The following PRPH2 variants were observed in gnomAD, a reference collection of about 807,000 sequenced individuals.
PRPH2 encodes peripherin 2.
PRPH2 carries 17 observed loss-of-function variants against 31.3 expected under a neutral mutation model. That is an observed-to-expected ratio of 0.54 (90% CI 0.37 to 0.81). The LOEUF (loss-of-function observed/expected upper bound fraction) is 0.81. Among genes scored for constraint, PRPH2 ranks in the 40% least tolerant of loss-of-function variants. PRPH2 has a pLI of 0.00. For synonymous variants in PRPH2, 165 were observed against 184.4 expected (o/e 0.89, Z 0.85); for missense variants, 430 against 439.7 (o/e 0.98, Z 0.20).
rs70990127 is a variant in PRPH2 at position 42,701,682 on chromosome 6, A to ATTTTTTTT, written c.828+2675_828+2682dup. On this transcript the variant is annotated intron_variant, in intron 2 of 2. Transcript: ENST00000230381. ...TAGGCATGCGCCACCACGTCCAGCA[A>ATTTTTTTT]TTTTTTTTTTTTTTTTTTTTTTTTT... is the stretch of plus-strand genomic sequence containing the variant. Among the ~76,000 whole-genome samples the ATTTTTTTT allele has an allele frequency of 1.3e-3, 100 of 78,512 alleles. 18 individuals are homozygous for ATTTTTTTT. Among genetic ancestry groups the ATTTTTTTT allele is most frequent in the African/African-American group, 3.4e-3 (68 of 20,046 alleles). The allele number at this position is 78,512 out of a possible 152,430, so 51.5% of individuals were successfully genotyped here.
intron 1 of PRPH2, among the ~76,000 whole-genome samples, chr6:42,705,599 AATATAT>A (rs1194169404): frequency 1.4e-3 from 30 of 21,564 alleles, no homozygotes; most frequent in South Asian, 6.5e-3. Context: ...AAAAAAAAAA[AATATAT>A]ATATATATAT....
At chr6:42,713,328 C>T (rs1395461971) in intron 1 of PRPH2, among the ~76,000 whole-genome samples, 3 of 152,192 alleles carry the variant, frequency 2.0e-5, no homozygotes, top group African/African-American at 7.2e-5. Context: ...TGGCTCCTCC[C>T]TCTGAGAGCC....
intron 2 of PRPH2, among the ~76,000 whole-genome samples, chr6:42,700,339 T>C (rs1359144021): frequency 6.6e-6 from 1 of 152,162 alleles, no homozygotes; most frequent in Non-Finnish European, 1.5e-5. Flanking sequence ...CTTGCTCTCC[T>C]CCACTTCTTT....
Position 42,722,429 on chromosome 6 carries a change from G to C in PRPH2, c.-95C>G, listed in dbSNP as rs952830704. 2 of 1,563,768 alleles carry C rather than the reference G, an allele frequency of 1.3e-6. No homozygotes were observed. Among genetic ancestry groups the C allele is most frequent in the African/African-American group, 2.7e-5 (2 of 74,100 alleles). On this transcript the variant is annotated 5_prime_UTR_variant, in exon 1 of 3. Transcript: ENST00000230381. The surrounding 1 kb of genome is among the most constrained non-coding windows in gnomAD (Gnocchi z 4.4). ...GCGGAGACTTAGGGCCTTGGGAAAA[G>C]TGCAGATGGCCCAAGCTGTAGGGAG... is the stretch of plus-strand genomic sequence containing the variant.
intron 2 of PRPH2, among the ~76,000 whole-genome samples, chr6:42,702,635 C>G (rs1327489640): frequency 3.5e-4 from 28 of 80,866 alleles, no homozygotes; most frequent in Non-Finnish European, 5.6e-4. Flanking sequence ...AGGCCGAGGC[C>G]GAGGCTGGTG....
At position 42,699,283 on chromosome 6, in the gene PRPH2, C is replaced by T. The variant is rs116432051; in HGVS notation, c.829-776G>A. Among the ~76,000 whole-genome samples, 1,215 of 151,898 alleles carry T rather than the reference C, an allele frequency of 8.0e-3. 14 individuals are homozygous for T. Among genetic ancestry groups the T allele is most frequent in the African/African-American group, 0.028 (1,178 of 41,398 alleles). On this transcript the variant is annotated intron_variant, in intron 2 of 2. Transcript: ENST00000230381. ...GTTTCCCCATGTTGCCAGCTGGCCTCGAACTCCTGGCCTCAAGATCCACCC... is the reference window on the plus strand; with the variant it reads ...GTTTCCCCATGTTGCCAGCTGGCCTTGAACTCCTGGCCTCAAGATCCACCC...
intron 1 of PRPH2, among the ~76,000 whole-genome samples, chr6:42,706,938 G>C (rs1201239138): frequency 6.7e-6 from 1 of 148,902 alleles, no homozygotes; most frequent in East Asian, 2.0e-4. Flanking sequence ...ATACTGTCTT[G>C]AACCTTTCTT....
intron 1 of PRPH2, among the ~76,000 whole-genome samples, chr6:42,716,746 A>T (rs1250351900): frequency 6.8e-6 from 1 of 147,334 alleles, no homozygotes; most frequent in East Asian, 2.0e-4. Context: ...TCAGCCTCCC[A>T]AGTAGCTGGG....
At position 42,722,051 on chromosome 6, in the gene PRPH2, T is replaced by C; in HGVS notation, c.284A>G (p.Lys95Arg). Residue 95 changes from lysine to arginine, a missense_variant, in exon 1 of 3, where the codon AAG becomes AGG. Physicochemically the swap from Lys to Arg is conservative, Grantham distance 26. Coordinates refer to ENST00000230381, the MANE Select transcript of PRPH2 (RefSeq NM_000322.5). The surrounding 1 kb of genome is among the most constrained non-coding windows in gnomAD (Gnocchi z 4.4). ...AGCCAGGTACGGCTTCAGCCAGGGC[T>C]TCCATCTGGCATACTTGGCTGGGTC... The part of the protein sequence containing the change: ...ALDPAKYARW[K>R]PWLKPYLAIC... The C allele has an allele frequency of 6.2e-7, 1 of 1,614,148 alleles. No homozygotes were observed. Among genetic ancestry groups the C allele is most frequent in the Non-Finnish European group, 8.5e-7 (1 of 1,180,024 alleles).
At chr6:42,716,612 G>GTTTTTTT (rs145765747) in intron 1 of PRPH2, among the ~76,000 whole-genome samples, 3 of 111,568 alleles carry the variant, frequency 2.7e-5, no homozygotes, top group African/African-American at 6.8e-5. Flanking sequence ...GGTTTGGTTG[G>GTTTTTTT]TTTTTTTTTT....
At position 42,704,663 on chromosome 6, in the gene PRPH2, G is replaced by A. The variant is rs760759701; in HGVS notation, c.582-52C>T. Reference sequence around the variant, plus strand: ...TGGGCTTCCCGGGCTTCTCAACAGGGGCCACTTCCTCCCAACCCCTGCCTC... The same window carrying A: ...TGGGCTTCCCGGGCTTCTCAACAGGAGCCACTTCCTCCCAACCCCTGCCTC... On this transcript the variant is annotated intron_variant, in intron 1 of 2. Coordinates refer to ENST00000230381, the MANE Select transcript of PRPH2 (RefSeq NM_000322.5). 3.1e-6 allele frequency: 5 copies of A among 1,613,662 alleles called. No homozygotes were observed. In the Admixed American group the frequency reaches 8.3e-5, roughly 27 times the overall value.
At chr6:42,713,515 C>T (rs1338658050) in intron 1 of PRPH2, among the ~76,000 whole-genome samples, 2 of 152,156 alleles carry the variant, frequency 1.3e-5, no homozygotes, top group East Asian at 1.9e-4. Context: ...TTATCTGAGA[C>T]GTTGGCACAG....
rs144530432 is a variant in PRPH2, at chr6:42,718,459, C to A, written c.581+3295G>T. Among the ~76,000 whole-genome samples, 102 of 152,016 alleles carry A rather than the reference C, an allele frequency of 6.7e-4. 1 individual carries two copies. In the East Asian group the frequency reaches 0.015, roughly 22 times the overall value. On this transcript the variant is annotated intron_variant, in intron 1 of 2. Transcript: ENST00000230381. ...CTCCAGCCTGGGCAATAGAGTGAGA[C>A]CCTGCCTCAAAATAATTATTAATTA...
intron 1 of PRPH2, among the ~76,000 whole-genome samples, chr6:42,705,687 T>C (rs1452623048): frequency 6.9e-6 from 1 of 144,130 alleles, no homozygotes; most frequent in Non-Finnish European, 1.5e-5. Context: ...CCAGGCGCGG[T>C]GGCTCACGCC....
Position 42,722,450 on chromosome 6 carries a change from G to A in PRPH2, c.-116C>T, listed in dbSNP as rs886061406. The A allele has an allele frequency of 1.9e-6, 3 of 1,542,394 alleles. No homozygotes were observed. Among genetic ancestry groups the A allele is most frequent in the South Asian group, 1.2e-5 (1 of 84,476 alleles). On this transcript the variant is annotated 5_prime_UTR_variant, in exon 1 of 3. Coordinates refer to ENST00000230381, the MANE Select transcript of PRPH2 (RefSeq NM_000322.5). This position sits in a 1 kb window ranked among gnomAD's most constrained non-coding sequence, Gnocchi z 4.4. ...AAAAGTGCAGATGGCCCAAGCTGTA[G>A]GGAGCTGCCCTGGGGGCTACCCATG...
At chr6:42,709,489 C>G (rs1301496234) in intron 1 of PRPH2, among the ~76,000 whole-genome samples, 1 of 152,138 alleles carries the variant, frequency 6.6e-6, no homozygotes, top group Admixed American at 6.6e-5. Context: ...CTGCCAGCTG[C>G]TATTCTAGGC....
intron 1 of PRPH2, among the ~76,000 whole-genome samples, chr6:42,705,717 G>A (rs538315514): frequency 2.0e-5 from 3 of 148,522 alleles, no homozygotes; most frequent in Non-Finnish European, 4.5e-5. Flanking sequence ...AGCACTTTGG[G>A]AGACGAAGAT....
intron 1 of PRPH2, among the ~76,000 whole-genome samples, chr6:42,718,110 C>G (rs1413861468): frequency 6.6e-6 from 1 of 152,038 alleles, no homozygotes; most frequent in Non-Finnish European, 1.5e-5. Context: ...GAGTTTGAGA[C>G]CAGCCTGAGG....
intron 2 of PRPH2, among the ~76,000 whole-genome samples, chr6:42,704,058 C>G (rs1056616801): frequency 1.3e-5 from 2 of 150,782 alleles, no homozygotes; most frequent in African/African-American, 4.9e-5. Flanking sequence ...TGAGATCATG[C>G]CACTGCACTC....
Sources: allele counts gnomAD v4.1 joint callset (sites outside exome capture counted in the v4.1 genomes callset), GRCh38; gene constraint gnomAD v4.1.1; non-coding constraint Gnocchi (gnomAD v3.1); transcripts MANE v1.5; gene names NCBI Gene and HGNC (gene_info 2026-07-23, HGNC 2026-07-21).